Variants in NEBL observed in about 807,000 individuals in gnomAD.
NEBL encodes nebulette.
A neutral mutation model predicts 140.2 loss-of-function variants in NEBL; 122 were observed. The observed-to-expected ratio is 0.87, with a 90% CI of 0.75 to 1.01. The LOEUF (loss-of-function observed/expected upper bound fraction) is 1.01, where lower values mean the gene tolerates loss of function less well. Among genes scored for constraint, NEBL ranks in the 50% least tolerant of loss-of-function variants. The pLI, the probability that NEBL is intolerant of heterozygous loss-of-function variation, is 0.00. For missense variants in NEBL, 1,365 were observed against 1,231.3 expected (o/e 1.11, Z -1.62); for synonymous variants, 436 against 398.9 (o/e 1.09, Z -1.11).
At chr10:20,863,877 C>T (rs552443967) in intron 7 of NEBL, among the ~76,000 whole-genome samples, 24 of 152,126 alleles carry the variant, frequency 1.6e-4, no homozygotes, top group African/African-American at 5.5e-4. Flanking sequence ...TTTAAATTGG[C>T]GAGTCAGGAA....
intron 4 of NEBL, among the ~76,000 whole-genome samples, chr10:20,956,060 G>A (rs1835787138): frequency 6.6e-6 from 1 of 152,118 alleles, no homozygotes; most frequent in Non-Finnish European, 1.5e-5. Flanking sequence ...GTTTCTTTAA[G>A]TGACTGTGGC....
In NEBL at chr10:20,823,208, A is replaced by T. The variant is rs4748728; in HGVS notation, c.1962T>A (p.Asn654Lys). 0.038 allele frequency: 61,131 copies of T among 1,596,352 alleles called. 3,014 individuals carry two copies. The highest frequency in any genetic ancestry group is 0.2 in the African/African-American group (14,724 of 74,496). ...RVKENQKNISNLQYKEQNYKA... is the reference protein window; with the variant it reads ...RVKENQKNISKLQYKEQNYKA... ...AAAAATACTTAAGAAATATGATCACATTGCTGATGTTCTTCTGGTTTTCTT... is the reference window on the plus strand; with the variant it reads ...AAAAATACTTAAGAAATATGATCACTTTGCTGATGTTCTTCTGGTTTTCTT... Residue 654 changes from asparagine to lysine, a missense_variant and splice_region_variant, in exon 19 of 28, where the codon AAT becomes AAA. Around this residue, in one of 2 missense-constraint regions of NEBL, gnomAD observed 1,323 missense variants for 1,154.8 expected, o/e 1.15. Coordinates refer to ENST00000377122, the MANE Select transcript of NEBL (RefSeq NM_006393.3).
chr10:20,850,281 G>T, intron 11 of NEBL, 114 bp downstream of exon 11: 1 of 862,192 alleles, frequency 1.2e-6, no homozygotes, highest in Non-Finnish European at 1.9e-6. Flanking sequence ...GCAGGTCCTT[G>T]AATCTGCCCA....
At chr10:21,144,309 C>T (rs1485595150) in intron 2 of NEBL, among the ~76,000 whole-genome samples, 3 of 152,234 alleles carry the variant, frequency 2.0e-5, no homozygotes, top group Non-Finnish European at 4.4e-5. Flanking sequence ...TGCTGGGCAC[C>T]GTTCCCCTTC....
At chr10:21,025,156 A>C (rs1392430191) in intron 2 of NEBL, among the ~76,000 whole-genome samples, 1 of 152,210 alleles carries the variant, frequency 6.6e-6, no homozygotes, top group Non-Finnish European at 1.5e-5. Flanking sequence ...CAGGAAACAA[A>C]AAAAAAAGGA....
At chr10:21,185,777 C>G (rs911791765) in intron 3 of NEBL, among the ~76,000 whole-genome samples, 2 of 152,122 alleles carry the variant, frequency 1.3e-5, no homozygotes, top group African/African-American at 2.4e-5. Flanking sequence ...GGATTACAGG[C>G]GTGACCCACT....
At chr10:20,986,780 T>C (rs1837273566) in intron 3 of NEBL, among the ~76,000 whole-genome samples, 1 of 152,204 alleles carries the variant, frequency 6.6e-6, no homozygotes, top group South Asian at 2.1e-4. Flanking sequence ...AAATAAAACT[T>C]GAAAATGTAA....
intron 2 of NEBL, among the ~76,000 whole-genome samples, chr10:21,031,133 T>C (rs1833763130): frequency 6.6e-6 from 1 of 152,210 alleles, no homozygotes; most frequent in Non-Finnish European, 1.5e-5. Context: ...TCATTGAGGA[T>C]GTCTGCATTT....
At chr10:20,927,153 G>A (rs2131521340) in intron 4 of NEBL, among the ~76,000 whole-genome samples, 1 of 152,294 alleles carries the variant, frequency 6.6e-6, no homozygotes, top group South Asian at 2.1e-4. Flanking sequence ...TGTGTGTCCA[G>A]TGATAACATT....
intron 19 of NEBL, among the ~76,000 whole-genome samples, chr10:20,822,402 T>C (rs1839416748): frequency 6.6e-6 from 1 of 151,810 alleles, no homozygotes; most frequent in South Asian, 2.1e-4. Flanking sequence ...TTTTCATAAA[T>C]ATATATATTC....
intron 7 of NEBL, among the ~76,000 whole-genome samples, chr10:20,863,483 A>G (rs1843940685): frequency 6.6e-6 from 1 of 152,240 alleles, no homozygotes; most frequent in Non-Finnish European, 1.5e-5. Context: ...GATGAAATCA[A>G]ACTAAAAGCT....
At chr10:21,110,017 G>A (rs1199507961) in intron 2 of NEBL, among the ~76,000 whole-genome samples, 2 of 151,968 alleles carry the variant, frequency 1.3e-5, no homozygotes, top group African/African-American at 4.8e-5. Context: ...CTTCTGCTTT[G>A]AGCTTAGTTA....
At chr10:21,050,922 C>A (rs1234124512) in intron 2 of NEBL, among the ~76,000 whole-genome samples, 1 of 152,178 alleles carries the variant, frequency 6.6e-6, no homozygotes, top group African/African-American at 2.4e-5. Context: ...GAGTCTTACA[C>A]ACCCTGTTTC....
At chr10:21,054,015 G>A (rs552439265) in intron 2 of NEBL, among the ~76,000 whole-genome samples, 7 of 138,988 alleles carry the variant, frequency 5.0e-5, no homozygotes, top group South Asian at 4.8e-4. Flanking sequence ...CCTGGGCGAC[G>A]AAGCAAGACT....
At chr10:21,177,320 G>A (rs1841315944), upstream of NEBL, among the ~76,000 whole-genome samples, 1 of 152,204 alleles carries the variant, frequency 6.6e-6, no homozygotes, top group African/African-American at 2.4e-5. Flanking sequence ...GCTGAATCAT[G>A]CCCAACAGAG....
At chr10:20,864,701 A>G (rs923659996) in intron 7 of NEBL, among the ~76,000 whole-genome samples, 2 of 152,158 alleles carry the variant, frequency 1.3e-5, no homozygotes, top group Non-Finnish European at 2.9e-5. Context: ...CTATGTATTT[A>G]TGTGCCTTTA....
intron 3 of NEBL, among the ~76,000 whole-genome samples, chr10:21,186,728 ATTC>A (rs1350685622): frequency 3.3e-5 from 5 of 151,680 alleles, no homozygotes; most frequent in African/African-American, 9.7e-5. Flanking sequence ...GCCCAAGACA[ATTC>A]TTCTTCTTCC....
At chr10:20,858,151 A>C (rs1358622802) in intron 9 of NEBL, 89 bp downstream of exon 9, 1 of 1,003,046 alleles carries the variant, frequency 1.0e-6, no homozygotes, top group African/African-American at 1.6e-5. Context: ...AGGCCTTCTA[A>C]GGAAGCAGGT....
chr10:20,921,875 A>G lies in NEBL; in HGVS notation c.357+39797T>C, dbSNP rs184802387. Among the ~76,000 whole-genome samples the G allele has an allele frequency of 1.2e-3, 190 of 152,310 alleles. 1 individual carries two copies. Among genetic ancestry groups the G allele is most frequent in the Non-Finnish European group, 1.5e-3 (105 of 68,036 alleles). On this transcript the variant is annotated intron_variant, in intron 4 of 6. Coordinates refer to the NEBL transcript ENST00000417816. The stretch of plus-strand genomic sequence containing the variant: ...TCCATACATCCACACACTCACATTC[A>G]TATATACACAAACATATACATATCT...
Sources: allele counts gnomAD v4.1 joint callset (sites outside exome capture counted in the v4.1 genomes callset), GRCh38; gene constraint gnomAD v4.1.1; regional missense constraint gnomAD v4.1.1; transcripts MANE v1.5; gene names NCBI Gene and HGNC (gene_info 2026-07-23, HGNC 2026-07-21).